Variants in MAP4K4 observed in about 807,000 individuals in gnomAD.
MAP4K4 encodes mitogen-activated protein kinase kinase kinase kinase 4.
A neutral mutation model predicts 189.6 loss-of-function variants in MAP4K4; 38 were observed. That is an observed-to-expected ratio of 0.20 (90% CI 0.15 to 0.26). The LOEUF (loss-of-function observed/expected upper bound fraction) is 0.26. MAP4K4 is among the 10% of genes least tolerant of loss of function. The probability of loss-of-function intolerance (pLI) is 1.00; values close to 1 mark genes in which losing one functional copy is unlikely to be tolerated. For missense variants in MAP4K4, 1,054 were observed against 1,726.9 expected, an observed-to-expected ratio of 0.61 and a Z score of 6.91; for synonymous variants, 610 against 624.3, an observed-to-expected ratio of 0.98 and a Z score of 0.34.
At chr2:101,881,575 T>G (rs757565131) in intron 27 of MAP4K4, among the ~76,000 whole-genome samples, 1 of 152,200 alleles carries the variant, frequency 6.6e-6, no homozygotes, top group African/African-American at 2.4e-5. Flanking sequence ...CTAGGAGTTA[T>G]GAGAAGGGAA....
intron 3 of MAP4K4, among the ~76,000 whole-genome samples, chr2:101,814,220 T>C (rs2095589494): frequency 6.6e-6 from 1 of 152,218 alleles, no homozygotes; most frequent in Non-Finnish European, 1.5e-5. Flanking sequence ...GCCAAATGTA[T>C]GCTTATCCCT....
chr2:101,724,254 A>G (rs2053960117), intron 2 of MAP4K4, among the ~76,000 whole-genome samples: 1 of 152,152 alleles, frequency 6.6e-6, no homozygotes, highest in Admixed American at 6.5e-5. Context: ...ACAACCTAAG[A>G]TGACAGGCAA....
exon 17 of MAP4K4, chr2:101,863,996 C>G (rs1309167535): frequency 7.3e-7 from 1 of 1,367,722 alleles, no homozygotes; most frequent in South Asian, 1.1e-5. Flanking sequence ...TCAGAGGCGC[C>G]TGACCCTACC....
chr2:101,857,548 G>A (rs1034807071), intron 13 of MAP4K4, among the ~76,000 whole-genome samples: 5 of 152,168 alleles, frequency 3.3e-5, no homozygotes, highest in African/African-American at 7.2e-5. Flanking sequence ...TTGAAAGTCA[G>A]GTTCCTTTGC....
At chr2:101,803,495 A>G (rs1043321394) in intron 3 of MAP4K4, among the ~76,000 whole-genome samples, 1 of 152,212 alleles carries the variant, frequency 6.6e-6, no homozygotes, top group Non-Finnish European at 1.5e-5. Context: ...TAAAAGGATC[A>G]CTTTAGCACC....
At chr2:101,869,668 G>A (rs777661448) in exon 22 of MAP4K4, 6 of 1,609,438 alleles carry the variant, frequency 3.7e-6, no homozygotes, top group East Asian at 2.2e-5. Context: ...GAAGATGTAC[G>A]GCCACCTCAC....
At chr2:101,698,246 G>A in intron 1 of MAP4K4, 109 bp downstream of exon 1, 2 of 381,426 alleles carry the variant, frequency 5.2e-6, no homozygotes, top group Non-Finnish European at 7.4e-6. Flanking sequence ...GCAGAGCCGC[G>A]GGGCGCGGCG....
At chr2:101,876,633 A>G (rs1031703649) in intron 26 of MAP4K4, among the ~76,000 whole-genome samples, 2 of 152,202 alleles carry the variant, frequency 1.3e-5, no homozygotes, top group African/African-American at 4.8e-5. Flanking sequence ...GGTTTGTTCA[A>G]ATGTGTGATG....
intron 2 of MAP4K4, among the ~76,000 whole-genome samples, chr2:101,749,247 T>A (rs1427270457): frequency 6.6e-6 from 1 of 151,946 alleles, no homozygotes; most frequent in East Asian, 1.9e-4. Context: ...TCACGCTACC[T>A]GACTTCAAAC....
intron 2 of MAP4K4, among the ~76,000 whole-genome samples, chr2:101,716,287 C>CA (rs2048325253): frequency 6.6e-6 from 1 of 151,898 alleles, no homozygotes; most frequent in South Asian, 2.1e-4. Flanking sequence ...ACTAAAAATA[C>CA]AAAAAATTAG....
intron 27 of MAP4K4, among the ~76,000 whole-genome samples, 175 bp from the exon 28 acceptor site, chr2:101,882,376 G>T (rs1205822847): frequency 6.6e-6 from 1 of 152,012 alleles, no homozygotes; most frequent in Non-Finnish European, 1.5e-5. Flanking sequence ...TACATATTCT[G>T]GATTATGACT....
intron 2 of MAP4K4, among the ~76,000 whole-genome samples, chr2:101,738,814 C>G (rs939174168): frequency 1.3e-5 from 2 of 152,014 alleles, no homozygotes; most frequent in Admixed American, 6.6e-5. Context: ...GTCTGCCTGG[C>G]TGCCACCATA....
chr2:101,881,301 G>A (rs1275318429), intron 27 of MAP4K4, among the ~76,000 whole-genome samples: 5 of 152,216 alleles, frequency 3.3e-5, no homozygotes, highest in Admixed American at 3.3e-4. Context: ...GGAAATACAG[G>A]AAAGTGACTC....
chr2:101,755,724 G>A (rs529656330), intron 2 of MAP4K4, among the ~76,000 whole-genome samples: 45 of 152,062 alleles, frequency 3.0e-4, no homozygotes, highest in African/African-American at 1.0e-3. Flanking sequence ...TTGTGAACTC[G>A]AAATCAATAG....
chr2:101,751,887 T>G (rs1414890083), intron 2 of MAP4K4, among the ~76,000 whole-genome samples: 1 of 152,226 alleles, frequency 6.6e-6, no homozygotes, highest in East Asian at 1.9e-4. Flanking sequence ...CTGTTTTGTT[T>G]CAGTTTGGTC....
chr2:101,768,192 T>A (rs1279783537), intron 2 of MAP4K4, among the ~76,000 whole-genome samples: 1 of 152,264 alleles, frequency 6.6e-6, no homozygotes, highest in Admixed American at 6.5e-5. Context: ...TAAAGTGACT[T>A]AAAAATTTGC....
At chr2:101,749,742 A>G (rs1370641107) in intron 2 of MAP4K4, among the ~76,000 whole-genome samples, 1 of 146,620 alleles carries the variant, frequency 6.8e-6, no homozygotes, top group Non-Finnish European at 1.5e-5. Flanking sequence ...AATGGGAGAA[A>G]ATTTTCGCAA....
exon 33 of MAP4K4, chr2:101,893,114 C>T: frequency 2.2e-6 from 1 of 456,408 alleles, no homozygotes; most frequent in Non-Finnish European, 4.4e-6. Context: ...CACTTGGCAC[C>T]CACTCTGACC....
At chr2:101,702,843 G>C (rs2039759410) in intron 2 of MAP4K4, among the ~76,000 whole-genome samples, 1 of 152,118 alleles carries the variant, frequency 6.6e-6, no homozygotes, top group Admixed American at 6.5e-5. Flanking sequence ...TGATGGTAAG[G>C]GGAGCTAACG....
Sources: gnomAD v4.1 joint callset for allele counts (sites outside exome capture counted in the v4.1 genomes callset) on GRCh38, gnomAD v4.1.1 for gene constraint, MANE v1.5 for transcripts, NCBI Gene and HGNC (gene_info 2026-07-23, HGNC 2026-07-21) for gene names.